LARP1B: variants seen among roughly 807,000 people sequenced by gnomAD.
LARP1B encodes La ribonucleoprotein 1B.
In LARP1B, 76 loss-of-function variants were observed where a neutral mutation model predicts 114.2. The ratio of observed to expected loss-of-function variants is 0.67; its 90% CI spans 0.55 to 0.81. LARP1B has a LOEUF of 0.81. Among genes scored for constraint, LARP1B ranks in the 30% least tolerant of loss-of-function variants. The pLI, the probability that LARP1B is intolerant of heterozygous loss-of-function variation, is 0.00. For missense variants in LARP1B, 1,014 were observed against 1,075.8 expected, an observed-to-expected ratio of 0.94 and a Z score of 0.80; for synonymous variants, 345 against 348.0, an observed-to-expected ratio of 0.99 and a Z score of 0.10.
At chr4:128,135,098 AAAATAAATAAAT>A (rs71304333) in intron 11 of LARP1B, among the ~76,000 whole-genome samples, 1,726 of 141,558 alleles carry the variant, frequency 0.012, 30 homozygotes, top group African/African-American at 0.038. Context: ...ACTTCATCTC[AAAATAAATAAAT>A]AAATAAATAA....
intron 15 of LARP1B, among the ~76,000 whole-genome samples, chr4:128,191,374 G>A (rs372346049): frequency 1.7e-3 from 253 of 152,294 alleles, no homozygotes; most frequent in African/African-American, 5.6e-3. Flanking sequence ...AGTCTTTGCT[G>A]TCTTGCTTGT....
At chr4:128,196,127 T>C (rs1301070683) in intron 15 of LARP1B, among the ~76,000 whole-genome samples, 1 of 151,080 alleles carries the variant, frequency 6.6e-6, no homozygotes, top group Non-Finnish European at 1.5e-5. Flanking sequence ...GGTGGGCGCC[T>C]GTAGTCCCAG....
At chr4:128,222,841 T>TAA (rs1449546130), downstream of LARP1B, 2 of 153,354 alleles carry the variant, frequency 1.3e-5, no homozygotes, top group East Asian at 3.8e-4. Flanking sequence ...GGGAGGCAGG[T>TAA]AACTTCTCGG....
chr4:128,069,331 A>C, intron 1 of LARP1B: 2 of 789,252 alleles, frequency 2.5e-6, no homozygotes. Flanking sequence ...TTTGCAATGG[A>C]CTGAAGACTT....
At chr4:128,108,936 C>T (rs1234205240) in intron 9 of LARP1B, 2 of 553,374 alleles carry the variant, frequency 3.6e-6, no homozygotes, top group Non-Finnish European at 4.6e-6. Flanking sequence ...TTAATATACA[C>T]TCAGATGCAT....
chr4:128,098,390 ACTTCTCTG>A, intron 8 of LARP1B, 60 bp downstream of exon 8: 2 of 1,439,682 alleles, frequency 1.4e-6, no homozygotes, highest in African/African-American at 1.4e-5. Flanking sequence ...TGTACCTAAA[ACTTCTCTG>A]AAAAACAGAG....
At chr4:128,067,926 G>C (rs544648434) in intron 1 of LARP1B, among the ~76,000 whole-genome samples, 14 of 152,004 alleles carry the variant, frequency 9.2e-5, no homozygotes, top group African/African-American at 2.7e-4. Context: ...TGCCACCCAG[G>C]CTGGACTGCA....
chr4:128,217,779 G>T (rs1193768061), intron 6 of LARP1B, among the ~76,000 whole-genome samples: 1 of 131,036 alleles, frequency 7.6e-6, no homozygotes, highest in Non-Finnish European at 1.6e-5. Flanking sequence ...ACATAGTGTT[G>T]GAAGTTCTGG....
chr4:128,144,288 A>C (rs1256628933), intron 11 of LARP1B, among the ~76,000 whole-genome samples: 1 of 152,094 alleles, frequency 6.6e-6, no homozygotes, highest in Non-Finnish European at 1.5e-5. Context: ...CAGCAGTTTT[A>C]CTATGATGTG....
intron 10 of LARP1B, among the ~76,000 whole-genome samples, chr4:128,118,427 G>T (rs1410136969): frequency 6.6e-6 from 1 of 150,902 alleles, no homozygotes; most frequent in African/African-American, 2.4e-5. Flanking sequence ...TAGTAGAGAC[G>T]GGGTTTCATC....
intron 3 of LARP1B, 86 bp downstream of exon 3, chr4:128,075,079 A>G (rs1767266413): frequency 5.4e-6 from 5 of 929,270 alleles, no homozygotes; most frequent in Admixed American, 2.2e-5. Flanking sequence ...CTTAAAATGT[A>G]AAGAATTGTC....
chr4:128,119,872 G>A (rs1009795094), intron 10 of LARP1B, among the ~76,000 whole-genome samples: 3 of 152,212 alleles, frequency 2.0e-5, no homozygotes, highest in Non-Finnish European at 4.4e-5. Flanking sequence ...CTGCAAATAA[G>A]CATGCAAACT....
chr4:128,132,504 C>T (rs1241652530), intron 11 of LARP1B, among the ~76,000 whole-genome samples: 2 of 152,096 alleles, frequency 1.3e-5, no homozygotes, highest in African/African-American at 4.8e-5. Context: ...CATCAGTCTC[C>T]AAAAGTGCTG....
intron 15 of LARP1B, 110 bp from the exon 16 acceptor site, chr4:128,199,329 G>C (rs1360212014): frequency 1.4e-6 from 1 of 739,428 alleles, no homozygotes; most frequent in East Asian, 3.0e-5. Flanking sequence ...AGGGACTACT[G>C]TCTTTTCCAC....
At chr4:128,111,688 CTCTT>C (rs1223689137) in intron 9 of LARP1B, among the ~76,000 whole-genome samples, 1 of 91,226 alleles carries the variant, frequency 1.1e-5, no homozygotes, top group Non-Finnish European at 2.7e-5. Context: ...GGGGCCCTGT[CTCTT>C]TTTTTTGTTT....
At chr4:128,087,993 A>C (rs923450134) in intron 5 of LARP1B, among the ~76,000 whole-genome samples, 5 of 151,964 alleles carry the variant, frequency 3.3e-5, no homozygotes, top group Non-Finnish European at 7.4e-5. Context: ...TTCTTATTAA[A>C]TATTGAATAT....
At chr4:128,096,693 C>T (rs1778147390) in intron 7 of LARP1B, among the ~76,000 whole-genome samples, 1 of 151,374 alleles carries the variant, frequency 6.6e-6, no homozygotes, top group South Asian at 2.1e-4. Context: ...CTCCGCCTCC[C>T]AGGTTCACGC....
At chr4:128,111,093 C>T (rs1460582421) in intron 9 of LARP1B, among the ~76,000 whole-genome samples, 1 of 150,322 alleles carries the variant, frequency 6.7e-6, no homozygotes, top group Non-Finnish European at 1.5e-5. Flanking sequence ...GTTGCCCAGG[C>T]TGGAGTGCAA....
rs1454147769 is a variant in LARP1B, at chr4:128,206,425, T to G, written c.2310-3T>G. 6.5e-7 allele frequency: 1 copy of G among 1,544,660 alleles called. No individual in the cohort carries two copies. The highest frequency in any genetic ancestry group is 8.8e-7 in the Non-Finnish European group (1 of 1,136,910). ...TTATAAACCTTTTATTTTCTCTTTA[T>G]AGGTATGGGTTAGAATGTCTGTTCA... On this transcript the variant is annotated splice_polypyrimidine_tract_variant and splice_region_variant and intron_variant, in intron 17 of 19. Coordinates refer to ENST00000326639, the MANE Select transcript of LARP1B (RefSeq NM_018078.4).
Sources: gnomAD v4.1 joint callset for allele counts (sites outside exome capture counted in the v4.1 genomes callset) on GRCh38, gnomAD v4.1.1 for gene constraint, MANE v1.5 for transcripts, NCBI Gene and HGNC (gene_info 2026-07-23, HGNC 2026-07-21) for gene names.